Variants in SH3KBP1 observed in about 807,000 individuals in gnomAD.
SH3KBP1 encodes the protein SH3 domain containing kinase binding protein 1.
In SH3KBP1, 8 loss-of-function variants were observed where a neutral mutation model predicts 50.1. The observed-to-expected ratio is 0.16, with a 90% CI of 0.09 to 0.29. The LOEUF is 0.29. Ranked by LOEUF, SH3KBP1 falls within the 10% of genes least tolerant of loss-of-function variation. The pLI is 1.00. For missense variants in SH3KBP1, 377 were observed against 535.2 expected, an observed-to-expected ratio of 0.70 and a Z score of 2.92; for synonymous variants, 227 against 218.6, an observed-to-expected ratio of 1.04 and a Z score of -0.34.
At chrX:19,618,395 A>AC (rs1203233901) in intron 8 of SH3KBP1, among the ~76,000 whole-genome samples, 4 of 106,595 alleles carry the variant, frequency 3.8e-5, no homozygotes, top group Non-Finnish European at 7.7e-5. Flanking sequence ...CAAAAAAAAA[A>AC]AAAAAAAAAA....
At chrX:19,861,565 C>T (rs1242205182) in intron 1 of SH3KBP1, among the ~76,000 whole-genome samples, 1 of 111,478 alleles carries the variant, frequency 9.0e-6, no homozygotes, top group Non-Finnish European at 1.9e-5. Context: ...AGTGATGACA[C>T]CAGCCACTTA....
chrX:19,656,216 T>A (rs188198717), intron 6 of SH3KBP1, among the ~76,000 whole-genome samples: 30 of 111,516 alleles, frequency 2.7e-4, no homozygotes, highest in African/African-American at 9.5e-4. Flanking sequence ...GCTTTTGCTT[T>A]GTCTTAAAAG....
Position 19,721,114 on chromosome X carries a change from G to A in SH3KBP1, c.287-14130C>T, listed in dbSNP as rs775739322. ...CTTCTCATCCCCATCAGAATAAAGA[G>A]GGGAGGAAGCCTAGGTATTTCTGAA... On this transcript the variant is annotated intron_variant, in intron 3 of 17. Coordinates refer to ENST00000397821, the MANE Select transcript of SH3KBP1 (RefSeq NM_031892.3). 3.6e-3 allele frequency among the ~76,000 whole-genome samples: 395 copies of A among 110,907 alleles called. 1 individual carries two copies. Among genetic ancestry groups the A allele is most frequent in the Non-Finnish European group, 6.0e-3 (316 of 52,932 alleles).
At chrX:19,858,776 G>A (rs184164169) in intron 1 of SH3KBP1, among the ~76,000 whole-genome samples, 1 of 112,168 alleles carries the variant, frequency 8.9e-6, no homozygotes, top group African/African-American at 3.2e-5. Flanking sequence ...AAAAATATAT[G>A]ACCAATTAGA....
intron 17 of SH3KBP1, among the ~76,000 whole-genome samples, 161 bp downstream of exon 17, chrX:19,537,556 C>T (rs915159334): frequency 4.5e-5 from 5 of 110,457 alleles, no homozygotes; most frequent in Non-Finnish European, 9.5e-5. Flanking sequence ...CCTGGGGAAA[C>T]GATATGTAGT....
At chrX:19,794,038 C>T (rs1453579926) in intron 2 of SH3KBP1, among the ~76,000 whole-genome samples, 3 of 110,098 alleles carry the variant, frequency 2.7e-5, no homozygotes, top group South Asian at 3.9e-4. Context: ...AATGTTAATG[C>T]GAGGACAACA....
At chrX:19,614,455 A>G (rs2067540856) in intron 8 of SH3KBP1, among the ~76,000 whole-genome samples, 1 of 112,257 alleles carries the variant, frequency 8.9e-6, no homozygotes, top group African/African-American at 3.2e-5. Flanking sequence ...TCAAGAGTAC[A>G]AAGCCATGTA....
intron 8 of SH3KBP1, among the ~76,000 whole-genome samples, chrX:19,630,480 TCTG>T (rs1400454425): frequency 8.9e-6 from 1 of 112,146 alleles, no homozygotes; most frequent in African/African-American, 3.2e-5. Context: ...AAGAATCACT[TCTG>T]CCTCATTTGC....
intron 1 of SH3KBP1, among the ~76,000 whole-genome samples, chrX:19,856,624 T>C (rs2068650352): frequency 9.0e-6 from 1 of 111,330 alleles, no homozygotes; most frequent in Non-Finnish European, 1.9e-5. Flanking sequence ...AGGTCTCTTA[T>C]GGAAAAAAAG....
chrX:19,555,479 AAAGG>A (rs1460976345), intron 13 of SH3KBP1, among the ~76,000 whole-genome samples: 1 of 112,392 alleles, frequency 8.9e-6, no homozygotes, highest in Non-Finnish European at 1.9e-5. Context: ...GAAACAGTCA[AAAGG>A]CTAAGTCAGG....
At chrX:19,840,000 C>G (rs2068177379) in intron 1 of SH3KBP1, among the ~76,000 whole-genome samples, 1 of 112,432 alleles carries the variant, frequency 8.9e-6, no homozygotes. Context: ...CTTCCGTGCA[C>G]TAAGGGAGCT....
chrX:19,541,893 G>A, intron 16 of SH3KBP1, 32 bp downstream of exon 16: 1 of 1,183,960 alleles, frequency 8.4e-7, no homozygotes, highest in Non-Finnish European at 1.1e-6. Context: ...AGCAACCTGG[G>A]TGACGGCCCC....
chrX:19,621,013 T>TTTTG (rs923353823), intron 8 of SH3KBP1, among the ~76,000 whole-genome samples: 1 of 57,974 alleles, frequency 1.7e-5, no homozygotes, highest in African/African-American at 1.1e-4. Flanking sequence ...TTCAGGTTGG[T>TTTTG]TTTTTTTTTT....
chrX:19,680,606 T>G (rs1436849615), intron 6 of SH3KBP1, among the ~76,000 whole-genome samples: 1 of 111,226 alleles, frequency 9.0e-6, no homozygotes, highest in Admixed American at 9.6e-5. Context: ...AACAGTGAGC[T>G]CAATTCTCAA....
intron 2 of SH3KBP1, among the ~76,000 whole-genome samples, chrX:19,768,930 G>GT (rs370447360): frequency 0.13 from 13,504 of 103,982 alleles, 708 homozygotes; most frequent in Admixed American, 0.16. Flanking sequence ...ACACATTTGG[G>GT]TTTTTTTTTT....
intron 4 of SH3KBP1, among the ~76,000 whole-genome samples, chrX:19,701,932 T>C (rs947954147): frequency 8.9e-6 from 1 of 112,279 alleles, no homozygotes; most frequent in African/African-American, 3.2e-5. Flanking sequence ...GCAGCCTGTT[T>C]TGCATGCTGA....
At chrX:19,802,410 G>A (rs1213016341) in intron 2 of SH3KBP1, among the ~76,000 whole-genome samples, 2 of 111,056 alleles carry the variant, frequency 1.8e-5, no homozygotes, top group Non-Finnish European at 3.8e-5. Context: ...TTGCCTGGGA[G>A]CAGGTGCTCA....
At chrX:19,576,706 T>C (rs1259082033) in intron 12 of SH3KBP1, among the ~76,000 whole-genome samples, 4 of 112,212 alleles carry the variant, frequency 3.6e-5, no homozygotes, top group African/African-American at 1.3e-4. Context: ...GCCTCCCAAG[T>C]CACTGGGATT....
chrX:19,588,617 C>A (rs745983365), intron 12 of SH3KBP1, 26 bp downstream of exon 12: 3 of 1,207,860 alleles, frequency 2.5e-6, no homozygotes, highest in Non-Finnish European at 3.4e-6. Context: ...CCCACACCCG[C>A]CCCGGAGGTG....
Sources: allele counts gnomAD v4.1 joint callset (sites outside exome capture counted in the v4.1 genomes callset), GRCh38; gene constraint gnomAD v4.1.1; transcripts MANE v1.5; gene names NCBI Gene and HGNC (gene_info 2026-07-23, HGNC 2026-07-21).